The following OSTN variants were observed in gnomAD, a reference collection of about 807,000 sequenced individuals.
OSTN encodes the protein osteocrin.
Under a neutral mutation model 12.0 loss-of-function variants are expected in OSTN, and 9 were observed. The observed-to-expected ratio is 0.75, with a 90% CI of 0.45 to 1.30. OSTN has a LOEUF of 1.30. OSTN is among the 50% of genes most tolerant of loss of function. OSTN has a pLI of 0.00. For synonymous variants in OSTN, 59 were observed against 56.9 expected (o/e 1.04, Z -0.16); for missense variants, 148 against 152.3 (o/e 0.97, Z 0.15).
At chr3:191,247,782 T>C (rs1488645197) in intron 3 of OSTN, among the ~76,000 whole-genome samples, 1 of 152,208 alleles carries the variant, frequency 6.6e-6, no homozygotes, top group East Asian at 1.9e-4. Flanking sequence ...TATAGATTTT[T>C]TCAATGTACA....
chr3:191,258,675 T>A (rs74554039), intron 4 of OSTN, among the ~76,000 whole-genome samples: 1 of 143,342 alleles, frequency 7.0e-6, no homozygotes, highest in Non-Finnish European at 1.6e-5. Flanking sequence ...AAAAAAAAAA[T>A]CAAGGCTTTC....
chr3:191,204,139 C>T (rs1223473376), intron 1 of OSTN, among the ~76,000 whole-genome samples: 1 of 152,178 alleles, frequency 6.6e-6, no homozygotes, highest in African/African-American at 2.4e-5. Context: ...ATCTGCCCAC[C>T]TCGGCATCCC....
chr3:191,237,168 T>A (rs1366161192), intron 3 of OSTN, among the ~76,000 whole-genome samples: 1 of 152,166 alleles, frequency 6.6e-6, no homozygotes, highest in Admixed American at 6.5e-5. Context: ...GAAATGAGGA[T>A]GTAGAGGCAA....
rs140173214 is a variant in OSTN, at chr3:191,236,579, C to T, written c.318-13458C>T. Among the ~76,000 whole-genome samples the T allele has an allele frequency of 6.8e-3, 1,028 of 150,376 alleles. 7 individuals are homozygous for T. Among genetic ancestry groups the T allele is most frequent in the Middle Eastern group, 0.021 (6 of 290 alleles). The stretch of plus-strand genomic sequence containing the variant: ...AAAAAACAATCCTTGGGGAGATGTG[C>T]GCTACTACAAGGGCTTGGGACAAAG... On this transcript the variant is annotated intron_variant, in intron 3 of 4. Coordinates refer to ENST00000682035, the MANE Select transcript of OSTN (RefSeq NM_198184.2).
In OSTN at chr3:191,263,010, C is replaced by A; in HGVS notation, c.*157C>A. 3.3e-6 allele frequency: 2 copies of A among 600,488 alleles called. No homozygotes were observed. The highest frequency in any genetic ancestry group is 6.1e-6 in the Non-Finnish European group (2 of 328,904). 37.2% of individuals were successfully genotyped at this position (600,488 alleles called of 1,614,324 possible). ...TGAACTTCAGTCCATCACATTACAGCATTGTTACAGCTTCAATTAAATTGT... is the reference window on the plus strand; with the variant it reads ...TGAACTTCAGTCCATCACATTACAGAATTGTTACAGCTTCAATTAAATTGT... On this transcript the variant is annotated 3_prime_UTR_variant, in exon 5 of 5. Coordinates refer to ENST00000682035, the MANE Select transcript of OSTN (RefSeq NM_198184.2).
intron 4 of OSTN, among the ~76,000 whole-genome samples, chr3:191,252,128 C>T (rs546922084): frequency 3.3e-5 from 5 of 152,268 alleles, no homozygotes; most frequent in African/African-American, 1.2e-4. Flanking sequence ...TGCGTGATCT[C>T]GGCTCACTGC....
Position 191,263,124 on chromosome 3 carries a change from A to G in OSTN, c.*271A>G. The stretch of plus-strand genomic sequence containing the variant: ...CTTCCCCTTAAACCTTACTTTTAAA[A>G]ATAATAATTAAATACACAATACAGT... On this transcript the variant is annotated 3_prime_UTR_variant, in exon 5 of 5. Transcript: ENST00000682035. 2.3e-6 allele frequency: 1 copy of G among 429,274 alleles called. No individual in the cohort carries two copies. Among genetic ancestry groups the G allele is most frequent in the Non-Finnish European group, 4.1e-6 (1 of 241,414 alleles). The allele number at this position is 429,274 out of a possible 1,614,324, so 26.6% of individuals were successfully genotyped here.
rs148414197 is a variant in OSTN at position 191,238,717 on chromosome 3, G to A, written c.318-11320G>A. Among the ~76,000 whole-genome samples, 1,358 of 152,224 alleles carry A rather than the reference G, an allele frequency of 8.9e-3. 16 individuals carry two copies. Among genetic ancestry groups the A allele is most frequent in the Admixed American group, 0.012 (188 of 15,296 alleles). ...GCTGCCTTCTTACACAGTGGGAAAT[G>A]CCTTTGAGCATAATGATCTTGGGCC... On this transcript the variant is annotated intron_variant, in intron 3 of 4. Coordinates refer to ENST00000682035, the MANE Select transcript of OSTN (RefSeq NM_198184.2).
Position 191,218,749 on chromosome 3 carries a change from C to T in OSTN, c.105C>T (p.Ala35=), listed in dbSNP as rs1714687398. ...VLSVDVTTTE[A]FDSGVIDVQS... is the part of the protein sequence containing the mutation. ...AATCGCCTTTCTCTGCCTTATAGGC[C>T]TTTGATTCTGGAGTCATAGATGTGC... is the stretch of plus-strand genomic sequence containing the variant. Residue 35 remains alanine, a splice_region_variant and synonymous_variant, in exon 3 of 5, where the codon GCC becomes GCT. Coordinates refer to ENST00000682035, the MANE Select transcript of OSTN (RefSeq NM_198184.2). 5 of 1,613,294 alleles carry T rather than the reference C, an allele frequency of 3.1e-6. No individual in the cohort carries two copies. Among genetic ancestry groups the T allele is most frequent in the Non-Finnish European group, 4.2e-6 (5 of 1,179,584 alleles).
At chr3:191,214,625 C>A (rs1714559363) in intron 2 of OSTN, among the ~76,000 whole-genome samples, 1 of 150,790 alleles carries the variant, frequency 6.6e-6, no homozygotes, top group African/African-American at 2.5e-5. Context: ...TTAAAAGAGA[C>A]TTGCTTGAGT....
chr3:191,262,861 T>A lies in OSTN; in HGVS notation c.*13-5T>A, dbSNP rs141862223. The A allele has an allele frequency of 4.3e-5, 30 of 702,212 alleles. No homozygotes were observed. The highest frequency in any genetic ancestry group is 7.0e-5 in the Non-Finnish European group (27 of 384,470). 43.5% of individuals were successfully genotyped at this position (702,212 alleles called of 1,614,324 possible). On this transcript the variant is annotated splice_region_variant and splice_polypyrimidine_tract_variant and intron_variant, in intron 4 of 4. Coordinates refer to ENST00000682035, the MANE Select transcript of OSTN (RefSeq NM_198184.2). ...CTTTAACAATCTCAACTTTCGTTTT[T>A]GCAGATGCAACTTCCTTGGGTGAAA...
Position 191,245,443 on chromosome 3 carries a change from A to ATCAAAAAGG in OSTN, c.318-4594_318-4593insTCAAAAAGG, listed in dbSNP as rs1288902552. Among the ~76,000 whole-genome samples, 6 of 152,226 alleles carry ATCAAAAAGG rather than the reference A, an allele frequency of 3.9e-5. No individual in the cohort carries two copies. The East Asian group carries it at 7.7e-4, about 20-fold the overall frequency. On this transcript the variant is annotated intron_variant, in intron 3 of 4. Transcript: ENST00000682035. ...CAAAAAGGAAAGAGTAGCTTAGAAT[A>ATCAAAAAGG]AAAGACTTGCAGAGGGTCATACTAT... is the stretch of plus-strand genomic sequence containing the variant.
At chr3:191,257,185 CAAAAA>C (rs71175391) in intron 4 of OSTN, among the ~76,000 whole-genome samples, 1,061 of 72,212 alleles carry the variant, frequency 0.015, 11 homozygotes, top group Middle Eastern at 0.039. Flanking sequence ...AACCCTCTCT[CAAAAA>C]AAAAAAAAAA....
intron 3 of OSTN, among the ~76,000 whole-genome samples, chr3:191,227,808 A>C (rs778194428): frequency 6.6e-6 from 1 of 152,152 alleles, no homozygotes; most frequent in Non-Finnish European, 1.5e-5. Context: ...GCACAGACTG[A>C]GTCATGAGTG....
rs575332839 is a variant in OSTN at position 191,241,167 on chromosome 3, C to CTTTTTTTTTTTTTTTTTTTTTTT, written c.318-8863_318-8841dup. Among the ~76,000 whole-genome samples the CTTTTTTTTTTTTTTTTTTTTTTT allele has an allele frequency of 6.5e-5, 3 of 46,468 alleles. 1 individual carries two copies. The highest frequency in any genetic ancestry group is 9.0e-4 in the East Asian group (1 of 1,116). The allele number at this position is 46,468 out of a possible 152,430, so 30.5% of individuals were successfully genotyped here. A position where few individuals can be genotyped will look rare whatever the true frequency, so the allele number is the denominator to read the frequency against. On this transcript the variant is annotated intron_variant, in intron 3 of 4. Transcript: ENST00000682035. ...AAGTTGGTGGAGCTCTGTGCCTTGACTTTTTTTTTTTTTTTTTTTTTTTTT... is the reference window on the plus strand; with the variant it reads ...AAGTTGGTGGAGCTCTGTGCCTTGACTTTTTTTTTTTTTTTTTTTTTTTTTTTTTTTTTTTTTTTTTTTTTTTT...
intron 3 of OSTN, among the ~76,000 whole-genome samples, chr3:191,236,186 C>T (rs2108544310): frequency 6.6e-6 from 1 of 152,294 alleles, no homozygotes; most frequent in Non-Finnish European, 1.5e-5. Flanking sequence ...CGAAATACTT[C>T]CCACATACTT....
chr3:191,254,767 T>C lies in OSTN; in HGVS notation c.*12+4634T>C, dbSNP rs553524465. On this transcript the variant is annotated intron_variant, in intron 4 of 4. Coordinates refer to ENST00000682035, the MANE Select transcript of OSTN (RefSeq NM_198184.2). Reference sequence around the variant, plus strand: ...ATTCTACTTGGTCTGATTATTTGCATGAAGTACAGCAAAAATGTGATTGGC... The same window carrying C: ...ATTCTACTTGGTCTGATTATTTGCACGAAGTACAGCAAAAATGTGATTGGC... Among the ~76,000 whole-genome samples the C allele has an allele frequency of 9.8e-5, 15 of 152,364 alleles. No homozygotes were observed. The South Asian group carries it at 2.1e-3, about 21-fold the overall frequency.
At chr3:191,216,123 G>A (rs1000894749) in intron 2 of OSTN, among the ~76,000 whole-genome samples, 16 of 152,088 alleles carry the variant, frequency 1.1e-4, no homozygotes, top group Non-Finnish European at 5.9e-5. Flanking sequence ...GTACCAGCAG[G>A]CCCCCAAACA....
intron 3 of OSTN, among the ~76,000 whole-genome samples, chr3:191,225,224 A>T (rs1714878915): frequency 6.6e-6 from 1 of 152,192 alleles, no homozygotes; most frequent in Non-Finnish European, 1.5e-5. Flanking sequence ...TTTAAAAATG[A>T]ATAAATTGTT....
Sources: gnomAD v4.1 joint callset for allele counts (sites outside exome capture counted in the v4.1 genomes callset) on GRCh38, gnomAD v4.1.1 for gene constraint, MANE v1.5 for transcripts, NCBI Gene and HGNC (gene_info 2026-07-23, HGNC 2026-07-21) for gene names.